ZNF618: variants seen among roughly 807,000 people sequenced by gnomAD.
The protein encoded by ZNF618 is zinc finger protein 618.
ZNF618 carries 34 observed loss-of-function variants against 103.0 expected under a neutral mutation model. The observed-to-expected ratio is 0.33, with a 90% CI of 0.25 to 0.44. ZNF618 has a LOEUF of 0.44. ZNF618 is among the 20% of genes least tolerant of loss of function. The pLI is 1.00. For missense variants in ZNF618, 1,059 were observed against 1,295.4 expected, an observed-to-expected ratio of 0.82 and a Z score of 2.80; for synonymous variants, 551 against 542.2, an observed-to-expected ratio of 1.02 and a Z score of -0.23.
chr9:113,889,347 T>TCTCTC (rs1477289947), intron 1 of ZNF618, among the ~76,000 whole-genome samples: 45 of 104,144 alleles, frequency 4.3e-4, no homozygotes, highest in Admixed American at 1.6e-3. Context: ...CTCTCTCTCT[T>TCTCTC]TCTCTCCCTC....
intron 1 of ZNF618, among the ~76,000 whole-genome samples, chr9:113,934,596 T>C (rs983781859): frequency 6.6e-6 from 1 of 152,130 alleles, no homozygotes; most frequent in African/African-American, 2.4e-5. Flanking sequence ...GATTTGCAAA[T>C]GTGTTCCCCA....
intron 3 of ZNF618, among the ~76,000 whole-genome samples, chr9:113,997,943 A>G (rs1357573441): frequency 6.6e-6 from 1 of 152,214 alleles, no homozygotes; most frequent in African/African-American, 2.4e-5. Flanking sequence ...CGTGGGGCAC[A>G]TGTCCTTGGA....
intron 1 of ZNF618, among the ~76,000 whole-genome samples, chr9:113,891,719 A>T (rs1454631019): frequency 1.3e-5 from 2 of 152,232 alleles, no homozygotes; most frequent in Non-Finnish European, 2.9e-5. Flanking sequence ...ATGTCCATCT[A>T]CAGATGAATG....
intron 13 of ZNF618, among the ~76,000 whole-genome samples, chr9:114,043,992 C>G (rs1845439571): frequency 1.3e-5 from 2 of 152,202 alleles, no homozygotes; most frequent in African/African-American, 4.8e-5. Flanking sequence ...TTATCCCACT[C>G]TATGGGTTAT....
chr9:113,899,207 T>C (rs2131200456), intron 1 of ZNF618, among the ~76,000 whole-genome samples: 1 of 152,248 alleles, frequency 6.6e-6, no homozygotes, highest in South Asian at 2.1e-4. Flanking sequence ...TTCAGTAATA[T>C]GAAGTACATT....
intron 13 of ZNF618, among the ~76,000 whole-genome samples, chr9:114,037,563 T>C (rs1844733286): frequency 6.6e-6 from 1 of 152,110 alleles, no homozygotes; most frequent in Non-Finnish European, 1.5e-5. Flanking sequence ...GCATTAGAAA[T>C]AATGGGTGAG....
intron 1 of ZNF618, among the ~76,000 whole-genome samples, chr9:113,944,496 C>T (rs921984190): frequency 3.3e-5 from 5 of 152,164 alleles, no homozygotes; most frequent in African/African-American, 1.2e-4. Flanking sequence ...CCAGGCTGGT[C>T]TTGAACTCCT....
rs949452443 is a variant in ZNF618, at chr9:113,988,201, C to G, written c.78-120C>G. The G allele has an allele frequency of 7.4e-6, 10 of 1,356,330 alleles. No individual in the cohort carries two copies. In the African/African-American group the frequency reaches 1.0e-4, roughly 14 times the overall value. The allele number at this position is 1,356,330 out of a possible 1,614,324, so 84.0% of individuals were successfully genotyped here. A position where few individuals can be genotyped will look rare whatever the true frequency, so the allele number is the denominator to read the frequency against. On this transcript the variant is annotated intron_variant, in intron 2 of 14. Transcript: ENST00000374126. ...GGGGTTGTGTGGGAGGCTAAGGGGG[C>G]CGGGGGCCCTAGAATTCACTATGCA...
At chr9:114,016,614 T>G in intron 9 of ZNF618, 81 bp from the exon 10 acceptor site, 1 of 1,095,540 alleles carries the variant, frequency 9.1e-7, no homozygotes, top group African/African-American at 1.6e-5. Context: ...GGGAGGAGTT[T>G]TTTGGGGGGT....
At position 114,055,672 on chromosome 9, in the gene ZNF618, G is replaced by C. The variant is rs1337414688; in HGVS notation, c.*5505G>C. On this transcript the variant is annotated 3_prime_UTR_variant, in exon 15 of 15. Coordinates refer to ENST00000374126, the MANE Select transcript of ZNF618 (RefSeq NM_001318042.2). Reference sequence around the variant, plus strand: ...CAATACCATAGACACATCTGACTGTGTCTCTCTCTTTGAGTGCAAGAAACT... The same window carrying C: ...CAATACCATAGACACATCTGACTGTCTCTCTCTCTTTGAGTGCAAGAAACT... 2.1e-5 allele frequency: 3 copies of C among 143,018 alleles called. No homozygotes were observed. The highest frequency in any genetic ancestry group is 7.3e-5 in the Admixed American group (1 of 13,724). 8.9% of individuals were successfully genotyped at this position (143,018 alleles called of 1,614,324 possible).
Position 114,049,253 on chromosome 9 carries a change from C to G in ZNF618, c.1951C>G (p.Arg651Gly). 6.2e-7 allele frequency: 1 copy of G among 1,612,786 alleles called. No homozygotes were observed. Among genetic ancestry groups the G allele is most frequent in the Non-Finnish European group, 8.5e-7 (1 of 1,179,622 alleles). ...NSVVQSVLSK[R>G]TLQARSMHEV... ...GGTGGTGCAGAGCGTGCTGAGCAAG[C>G]GGACACTGCAGGCCCGCAGCATGCA... Residue 651 changes from arginine to glycine, a missense_variant, in exon 15 of 15, where the codon CGG becomes GGG. Coordinates refer to ENST00000374126, the MANE Select transcript of ZNF618 (RefSeq NM_001318042.2).
chr9:114,026,714 G>A (rs1843530157), intron 10 of ZNF618, among the ~76,000 whole-genome samples: 1 of 152,152 alleles, frequency 6.6e-6, no homozygotes, highest in Admixed American at 6.5e-5. Flanking sequence ...TTGGGCCTTG[G>A]GTTTTTTTAA....
intron 1 of ZNF618, among the ~76,000 whole-genome samples, chr9:113,903,721 GTTTC>G (rs1211183538): frequency 3.3e-5 from 5 of 151,946 alleles, no homozygotes; most frequent in African/African-American, 4.8e-5. Context: ...TTTTTTGTTT[GTTTC>G]TTTCTTTCTT....
At chr9:113,913,463 A>G (rs576242801) in intron 1 of ZNF618, among the ~76,000 whole-genome samples, 17 of 152,264 alleles carry the variant, frequency 1.1e-4, no homozygotes, top group Admixed American at 2.6e-4. Flanking sequence ...TTTAGCCAGT[A>G]TCCAGTTGTG....
intron 1 of ZNF618, among the ~76,000 whole-genome samples, chr9:113,901,408 G>A (rs1830538304): frequency 1.3e-5 from 2 of 152,248 alleles, no homozygotes; most frequent in South Asian, 4.1e-4. Flanking sequence ...GACACTTGCA[G>A]GGAACTGCTC....
intron 2 of ZNF618, among the ~76,000 whole-genome samples, chr9:113,979,501 C>T (rs1838788612): frequency 1.3e-5 from 2 of 152,312 alleles, no homozygotes; most frequent in Middle Eastern, 3.4e-3. Context: ...CATCCCTAAC[C>T]TATGTTATAA....
chr9:113,991,192 C>T (rs1240739278), intron 3 of ZNF618, among the ~76,000 whole-genome samples: 1 of 152,214 alleles, frequency 6.6e-6, no homozygotes, highest in Non-Finnish European at 1.5e-5. Context: ...AGCCTCATGC[C>T]AGCCACCGAT....
chr9:113,977,825 A>C (rs1263447484), intron 2 of ZNF618, among the ~76,000 whole-genome samples: 1 of 152,174 alleles, frequency 6.6e-6, no homozygotes, highest in Non-Finnish European at 1.5e-5. Context: ...GGAGTTTGTG[A>C]CTTGACAAGA....
chr9:113,983,229 A>G (rs946027650), intron 2 of ZNF618, among the ~76,000 whole-genome samples: 1 of 152,168 alleles, frequency 6.6e-6, no homozygotes, highest in African/African-American at 2.4e-5. Flanking sequence ...TTAAAAAATG[A>G]TATATGAAAA....
Sources: allele counts gnomAD v4.1 joint callset (sites outside exome capture counted in the v4.1 genomes callset), GRCh38; gene constraint gnomAD v4.1.1; transcripts MANE v1.5; gene names NCBI Gene and HGNC (gene_info 2026-07-23, HGNC 2026-07-21).